LRP1B: variants seen among roughly 807,000 people sequenced by gnomAD.
The protein encoded by LRP1B is LDL receptor related protein 1B.
LRP1B carries 217 observed loss-of-function variants against 556.6 expected under a neutral mutation model. The observed-to-expected ratio is 0.39, with a 90% confidence interval of 0.35 to 0.44. The LOEUF is 0.44. Among genes scored for constraint, LRP1B ranks in the 20% least tolerant of loss-of-function variants. LRP1B has a pLI of 1.00. For missense variants in LRP1B, 5,053 were observed against 5,620.8 expected, an observed-to-expected ratio of 0.90 and a Z score of 3.23; for synonymous variants, 2,047 against 1,865.8, an observed-to-expected ratio of 1.10 and a Z score of -2.50.
intron 1 of LRP1B, among the ~76,000 whole-genome samples, chr2:142,119,916 G>A (rs768993604): frequency 7.2e-5 from 11 of 152,008 alleles, no homozygotes; most frequent in Non-Finnish European, 1.5e-4. Flanking sequence ...TTCTGCCTCC[G>A]AGTCTACAAA....
At chr2:140,693,595 T>C (rs917456131) in intron 41 of LRP1B, among the ~76,000 whole-genome samples, 12 of 152,200 alleles carry the variant, frequency 7.9e-5, no homozygotes, top group African/African-American at 2.7e-4. Flanking sequence ...TTTAAGATTA[T>C]CTTTTATGTC....
At chr2:141,724,720 A>C (rs12464909) in intron 2 of LRP1B, among the ~76,000 whole-genome samples, 88,400 of 151,476 alleles carry the variant, frequency 0.58, 26,261 homozygotes, top group East Asian at 0.92. Flanking sequence ...CAAGGTGGGG[A>C]GAAGGAAAGT....
chr2:141,036,075 A>G (rs1478968521), intron 11 of LRP1B, among the ~76,000 whole-genome samples: 1 of 152,134 alleles, frequency 6.6e-6, no homozygotes, highest in Non-Finnish European at 1.5e-5. Flanking sequence ...AATCTACAAG[A>G]TCACAAATTT....
intron 2 of LRP1B, among the ~76,000 whole-genome samples, chr2:141,737,136 G>A (rs1693501342): frequency 6.6e-6 from 1 of 152,138 alleles, no homozygotes; most frequent in Non-Finnish European, 1.5e-5. Context: ...GGTGGATCAT[G>A]AGGTGAGGAA....
At chr2:141,262,795 A>G (rs1376493202) in intron 3 of LRP1B, among the ~76,000 whole-genome samples, 1 of 152,048 alleles carries the variant, frequency 6.6e-6, no homozygotes, top group Non-Finnish European at 1.5e-5. Context: ...AAATTATGCT[A>G]TTTTGATGAC....
In LRP1B at chr2:140,887,681, A is replaced by T. The variant is rs186792874; in HGVS notation, c.3767-1346T>A. Among the ~76,000 whole-genome samples, 133 of 152,268 alleles carry T rather than the reference A, an allele frequency of 8.7e-4. 1 individual carries two copies. Among genetic ancestry groups the T allele is most frequent in the Non-Finnish European group, 1.7e-3 (113 of 68,006 alleles). ...TTCATATGCTCATCAACTGATGAAT[A>T]AAAAAATGCTGTCTATCCACATGAT... On this transcript the variant is annotated intron_variant, in intron 23 of 90. Coordinates refer to ENST00000389484, the MANE Select transcript of LRP1B (RefSeq NM_018557.3).
intron 2 of LRP1B, among the ~76,000 whole-genome samples, chr2:141,709,119 C>A (rs867379270): frequency 3.3e-5 from 5 of 152,026 alleles, no homozygotes; most frequent in Admixed American, 1.3e-4. Flanking sequence ...GGGAGGCCGA[C>A]GCAGGCAGAT....
At chr2:141,711,905 C>T (rs962874640) in intron 2 of LRP1B, among the ~76,000 whole-genome samples, 4 of 151,778 alleles carry the variant, frequency 2.6e-5, no homozygotes, top group South Asian at 2.1e-4. Context: ...GTTTTTCTGT[C>T]TCTCCCTCTT....
At chr2:140,825,814 G>A (rs1194923586) in intron 31 of LRP1B, among the ~76,000 whole-genome samples, 1 of 152,158 alleles carries the variant, frequency 6.6e-6, no homozygotes, top group East Asian at 1.9e-4. Context: ...ATATACAGCA[G>A]TGGATAAACT....
chr2:141,096,629 GGAGAGAGAGAGAGA>G (rs756327718), intron 7 of LRP1B, among the ~76,000 whole-genome samples: 1,420 of 59,702 alleles, frequency 0.024, 19 homozygotes, highest in Non-Finnish European at 0.033. Flanking sequence ...GGGGAGAGGG[GGAGAGAGAGAGAGA>G]GAGAGAGAGA....
intron 7 of LRP1B, among the ~76,000 whole-genome samples, chr2:141,122,692 C>T (rs1404348253): frequency 7.2e-5 from 11 of 152,122 alleles, no homozygotes; most frequent in African/African-American, 9.7e-5. Flanking sequence ...GACAGTGTGG[C>T]GATTCCTCAA....
At chr2:140,521,858 G>A (rs1020302996) in intron 49 of LRP1B, among the ~76,000 whole-genome samples, 5 of 151,886 alleles carry the variant, frequency 3.3e-5, no homozygotes, top group Non-Finnish European at 5.9e-5. Flanking sequence ...CAAAAAAAGA[G>A]CAGTATTTGC....
chr2:140,239,639 AAGCTT>A, intron 87 of LRP1B, 107 bp from the exon 88 acceptor site: 1 of 611,966 alleles, frequency 1.6e-6, no homozygotes, highest in Admixed American at 3.5e-5. Flanking sequence ...GATATAATAA[AAGCTT>A]AGCCCAAATG....
At chr2:141,836,483 T>G (rs988113865) in intron 1 of LRP1B, among the ~76,000 whole-genome samples, 7 of 151,958 alleles carry the variant, frequency 4.6e-5, no homozygotes, top group Non-Finnish European at 7.4e-5. Flanking sequence ...AGTGTTTTAT[T>G]TTTTCAAATC....
chr2:141,591,028 G>T (rs983773200), intron 2 of LRP1B, among the ~76,000 whole-genome samples: 4 of 152,126 alleles, frequency 2.6e-5, no homozygotes, highest in Non-Finnish European at 5.9e-5. Flanking sequence ...ATAGCCTACG[G>T]TTTGACTCAT....
intron 2 of LRP1B, among the ~76,000 whole-genome samples, chr2:141,552,779 TA>T (rs942377030): frequency 7.0e-6 from 1 of 142,560 alleles, no homozygotes; most frequent in Non-Finnish European, 1.5e-5. Flanking sequence ...ATTAAACCAA[TA>T]AAAAAAATTC....
In LRP1B at chr2:140,356,336, C is replaced by T. The variant is rs1225361806; in HGVS notation, c.11530+6G>A. The T allele has an allele frequency of 4.3e-6, 7 of 1,609,758 alleles. No homozygotes were observed. ...ATGAGCAAACTGTTGAAGAAAAGTA[C>T]TCTACCTTCACATTGTCTGTTTTTC... On this transcript the variant is annotated splice_donor_region_variant and intron_variant, in intron 75 of 90. Transcript: ENST00000389484.
intron 1 of LRP1B, among the ~76,000 whole-genome samples, chr2:141,938,939 A>G (rs1700713842): frequency 6.6e-6 from 1 of 152,080 alleles, no homozygotes; most frequent in African/African-American, 2.4e-5. Context: ...TGTGGAGTCT[A>G]ACAAAATTAA....
At chr2:140,385,501 T>A (rs1683720493) in intron 67 of LRP1B, among the ~76,000 whole-genome samples, 1 of 152,034 alleles carries the variant, frequency 6.6e-6, no homozygotes, top group Admixed American at 6.6e-5. Context: ...ATGGGCGAAT[T>A]TATAGTGTAA....
Sources: gnomAD v4.1 joint callset for allele counts (sites outside exome capture counted in the v4.1 genomes callset) on GRCh38, gnomAD v4.1.1 for gene constraint, MANE v1.5 for transcripts, NCBI Gene and HGNC (gene_info 2026-07-23, HGNC 2026-07-21) for gene names.